Variants in ITSN1 observed in about 807,000 individuals in gnomAD.
ITSN1 encodes the protein intersectin-1.
In ITSN1, 58 loss-of-function variants were observed where a neutral mutation model predicts 239.8. That is an observed-to-expected ratio of 0.24 (90% confidence interval 0.20 to 0.30). The LOEUF is 0.30. ITSN1 is among the 10% of genes least tolerant of loss of function. The probability of loss-of-function intolerance (pLI) is 1.00; values close to 1 mark genes in which losing one functional copy is unlikely to be tolerated. For missense variants in ITSN1, 1,558 were observed against 2,103.3 expected (o/e 0.74, Z 5.07); for synonymous variants, 780 against 770.8 (o/e 1.01, Z -0.20).
intron 1 of ITSN1, among the ~76,000 whole-genome samples, chr21:33,654,431 C>T (rs530348060): frequency 2.9e-4 from 44 of 152,016 alleles, no homozygotes; most frequent in Non-Finnish European, 6.3e-4. Flanking sequence ...CTAGAATCAA[C>T]GTTAGTTATT....
intron 29 of ITSN1, among the ~76,000 whole-genome samples, chr21:33,840,406 C>G (rs2074781899): frequency 6.6e-6 from 1 of 152,098 alleles, no homozygotes; most frequent in South Asian, 2.1e-4. Flanking sequence ...CTCTGTCACC[C>G]AGGCTGGAGT....
chr21:33,661,058 A>G (rs970986218), intron 1 of ITSN1, among the ~76,000 whole-genome samples: 17 of 152,336 alleles, frequency 1.1e-4, no homozygotes, highest in African/African-American at 4.1e-4. Flanking sequence ...GGCAGATACA[A>G]GTTTTCCAAA....
chr21:33,797,247 C>A lies in ITSN1; in HGVS notation c.1953-132C>A. 1.4e-6 allele frequency: 1 copy of A among 690,904 alleles called. No individual in the cohort carries two copies. The allele number at this position is 690,904 out of a possible 1,614,324, so 42.8% of individuals were successfully genotyped here. ...AGAACTGGAGCCCTGATTCAGTTGCCCCATCTGAACAACAATGTTCCCTTG... is the reference window on the plus strand; with the variant it reads ...AGAACTGGAGCCCTGATTCAGTTGCACCATCTGAACAACAATGTTCCCTTG... On this transcript the variant is annotated intron_variant, in intron 17 of 39. Coordinates refer to ENST00000381318, the MANE Select transcript of ITSN1 (RefSeq NM_003024.3). The surrounding 1 kb of genome is among the most constrained non-coding windows in gnomAD (Gnocchi z 4.9).
chr21:33,729,209 G>T (rs952690483), intron 4 of ITSN1, among the ~76,000 whole-genome samples: 1 of 152,152 alleles, frequency 6.6e-6, no homozygotes, highest in Non-Finnish European at 1.5e-5. Context: ...TCAGCACTTT[G>T]GGAGGTCGAG....
At chr21:33,695,755 G>A (rs2091766171) in intron 1 of ITSN1, among the ~76,000 whole-genome samples, 1 of 152,094 alleles carries the variant, frequency 6.6e-6, no homozygotes, top group Admixed American at 6.6e-5. Flanking sequence ...GTGTGTTTGT[G>A]ATTTTTAACA....
At chr21:33,819,613 A>G (rs1158058385) in intron 24 of ITSN1, among the ~76,000 whole-genome samples, 2 of 152,240 alleles carry the variant, frequency 1.3e-5, no homozygotes, top group South Asian at 2.1e-4. Flanking sequence ...GAGCATCTCT[A>G]TAGCTAAACT....
chr21:33,814,096 G>A (rs199870886), intron 22 of ITSN1, 24 bp downstream of exon 22: 230 of 1,611,668 alleles, frequency 1.4e-4, no homozygotes, highest in Non-Finnish European at 1.6e-4. Flanking sequence ...GTGAGAGTGT[G>A]AAGACTTAGC....
rs142841280 is a variant in ITSN1 at position 33,754,728 on chromosome 21, T to C, written c.624-569T>C. ...AAGCTGTCTCCATTCCCACTCTGCT[T>C]ATGTGTGACCATGGAAATGTTCTGT... On this transcript the variant is annotated intron_variant, in intron 7 of 39. Transcript: ENST00000381318. 2.3e-3 allele frequency among the ~76,000 whole-genome samples: 353 copies of C among 152,314 alleles called. 2 individuals are homozygous for C. The highest frequency in any genetic ancestry group is 0.017 in the Middle Eastern group (5 of 294).
intron 1 of ITSN1, among the ~76,000 whole-genome samples, chr21:33,698,029 C>A (rs986475811): frequency 6.6e-6 from 1 of 152,156 alleles, no homozygotes; most frequent in Non-Finnish European, 1.5e-5. Context: ...TCCTGTCTTT[C>A]ATTGCTGTCC....
chr21:33,783,691 CA>C (rs11349210), intron 16 of ITSN1, among the ~76,000 whole-genome samples: 53,117 of 131,938 alleles, frequency 0.4, 10,156 homozygotes, highest in East Asian at 0.57. Flanking sequence ...CTTTTATAAG[CA>C]AAAAAAAAAA....
At chr21:33,780,779 G>GTATA (rs2070104557) in intron 14 of ITSN1, among the ~76,000 whole-genome samples, 4 of 152,156 alleles carry the variant, frequency 2.6e-5, no homozygotes, top group African/African-American at 9.7e-5. Context: ...AAACTATACA[G>GTATA]GATATTTTCG....
intron 25 of ITSN1, 103 bp from the exon 26 acceptor site, chr21:33,826,715 T>A (rs2073993094): frequency 1.1e-6 from 1 of 948,518 alleles, no homozygotes; most frequent in Non-Finnish European, 1.7e-6. Flanking sequence ...GAATGAAAAG[T>A]GGGGCTTTGG....
intron 17 of ITSN1, among the ~76,000 whole-genome samples, chr21:33,796,628 A>T (rs989404660): frequency 1.3e-5 from 2 of 152,224 alleles, no homozygotes; most frequent in African/African-American, 4.8e-5. Flanking sequence ...TGTGACGTGG[A>T]CAAGTCATTT....
chr21:33,877,648 G>A (rs146370595), intron 34 of ITSN1, among the ~76,000 whole-genome samples: 2 of 151,904 alleles, frequency 1.3e-5, no homozygotes, highest in East Asian at 3.9e-4. Context: ...GACCCCTCAC[G>A]TTGGCTCTGG....
At chr21:33,883,410 C>CGCACGAGTGG in intron 35 of ITSN1, 140 bp from the exon 36 acceptor site, 1 of 1,119,958 alleles carries the variant, frequency 8.9e-7, no homozygotes, top group Non-Finnish European at 1.3e-6. Flanking sequence ...CTGAAACACA[C>CGCACGAGTGG]GCACGAGTGT....
At chr21:33,697,234 A>ATTTTTTTTTTTTTTTTTTT (rs11419453) in intron 1 of ITSN1, among the ~76,000 whole-genome samples, 2 of 121,708 alleles carry the variant, frequency 1.6e-5, no homozygotes. Context: ...CACCTGGCTA[A>ATTTTTTTTTTTTTTTTTTT]TTTTTTTTTT....
At chr21:33,672,748 T>G (rs1467173257) in intron 1 of ITSN1, among the ~76,000 whole-genome samples, 2 of 151,978 alleles carry the variant, frequency 1.3e-5, no homozygotes, top group Non-Finnish European at 2.9e-5. Context: ...AGTCTCCTTC[T>G]GTCGCCAGGC....
At chr21:33,727,115 G>T (rs147844458) in intron 4 of ITSN1, among the ~76,000 whole-genome samples, 2 of 152,132 alleles carry the variant, frequency 1.3e-5, no homozygotes, top group African/African-American at 2.4e-5. Flanking sequence ...AGTCAAGTCA[G>T]TGTGTGTCAT....
chr21:33,785,873 A>G (rs1030429605), intron 16 of ITSN1, among the ~76,000 whole-genome samples: 3 of 152,204 alleles, frequency 2.0e-5, no homozygotes, highest in African/African-American at 7.2e-5. Context: ...ATATTCAAAA[A>G]AAGATCCTAA....
Sources: gnomAD v4.1 joint callset for allele counts (sites outside exome capture counted in the v4.1 genomes callset) on GRCh38, gnomAD v4.1.1 for gene constraint, Gnocchi (gnomAD v3.1) non-coding constraint, MANE v1.5 for transcripts, NCBI Gene and HGNC (gene_info 2026-07-23, HGNC 2026-07-21) for gene names.